CDKL3: variants seen among roughly 807,000 people sequenced by gnomAD.
CDKL3 encodes cyclin dependent kinase like 3.
In CDKL3, 65 loss-of-function variants were observed where a neutral mutation model predicts 69.3. The observed-to-expected ratio is 0.94, with a 90% confidence interval of 0.77 to 1.15. CDKL3 has a LOEUF of 1.15. Among genes scored for constraint, CDKL3 ranks in the 50% most tolerant of loss-of-function variants. The pLI, the probability that CDKL3 is intolerant of heterozygous loss-of-function variation, is 0.00. For synonymous variants in CDKL3, 202 were observed against 221.6 expected (o/e 0.91, Z 0.79); for missense variants, 652 against 689.2 (o/e 0.95, Z 0.61).
chr5:134,349,848 AG>A (rs200530752), intron 4 of CDKL3, among the ~76,000 whole-genome samples: 2,020 of 152,254 alleles, frequency 0.013, 21 homozygotes, highest in Non-Finnish European at 0.023. Context: ...AGAATGTGTC[AG>A]TATTAGGGGT....
intron 6 of CDKL3, 35 bp downstream of exon 6, chr5:134,319,323 C>CTG: frequency 6.8e-7 from 1 of 1,468,316 alleles, no homozygotes; most frequent in Non-Finnish European, 9.0e-7. Context: ...GAGCAAGACT[C>CTG]TGTCTCCGGG....
chr5:134,335,062 A>T (rs1776724907), intron 4 of CDKL3, among the ~76,000 whole-genome samples: 1 of 150,774 alleles, frequency 6.6e-6, no homozygotes, highest in African/African-American at 2.4e-5. Flanking sequence ...CTTTGCCATT[A>T]TGTAACGGCC....
chr5:134,371,624 T>A, upstream of CDKL3: 1 of 1,612,510 alleles, frequency 6.2e-7, no homozygotes. Context: ...AGGAGGCTCA[T>A]GCGGGATTTC....
intron 6 of CDKL3, among the ~76,000 whole-genome samples, chr5:134,314,085 C>T (rs566441268): frequency 3.9e-5 from 6 of 152,164 alleles, no homozygotes; most frequent in East Asian, 3.9e-4. Context: ...CAGGAGGTTG[C>T]GGTGAGCCAA....
At chr5:134,295,431 C>T (rs1017324005), downstream of CDKL3, among the ~76,000 whole-genome samples, 8 of 152,122 alleles carry the variant, frequency 5.3e-5, no homozygotes, top group African/African-American at 1.9e-4. Flanking sequence ...CAATCTTTGA[C>T]ACTGGAGTAA....
chr5:134,371,355 A>C, upstream of CDKL3: 2 of 607,344 alleles, frequency 3.3e-6, no homozygotes, highest in East Asian at 2.9e-5. Flanking sequence ...GGCTCGGGGA[A>C]GGCGCGCTCC....
At chr5:134,328,473 C>T (rs1774951400) in intron 4 of CDKL3, among the ~76,000 whole-genome samples, 1 of 151,088 alleles carries the variant, frequency 6.6e-6, no homozygotes, top group Non-Finnish European at 1.5e-5. Context: ...AAGACAAGAC[C>T]AATAGAAATT....
intron 4 of CDKL3, among the ~76,000 whole-genome samples, chr5:134,323,376 CAATT>C: frequency 6.6e-6 from 1 of 152,130 alleles, no homozygotes; most frequent in South Asian, 2.1e-4. Flanking sequence ...TAGATATTGA[CAATT>C]GATTGCAAAG....
rs763173774 is a variant in CDKL3, at chr5:134,321,825, A to G, written c.618T>C (p.Asp206=). 2.5e-6 allele frequency: 4 copies of G among 1,611,340 alleles called. No homozygotes were observed. Residue 206 remains aspartate (D), a synonymous_variant, in exon 5 of 13, where the codon GAT becomes GAC. Coordinates refer to ENST00000265334, the MANE Select transcript of CDKL3 (RefSeq NM_001113575.2). ...TGNPYLPSSS[D]LDLLHKIVLK... Reference sequence around the variant, plus strand: ...AAACAATTTTATGGAGTAAATCCAAATCAGAACTACTAGGAAGATAGGGAT... The same window carrying G: ...AAACAATTTTATGGAGTAAATCCAAGTCAGAACTACTAGGAAGATAGGGAT...
At chr5:134,355,857 G>C (rs893704919) in intron 3 of CDKL3, among the ~76,000 whole-genome samples, 1 of 152,170 alleles carries the variant, frequency 6.6e-6, no homozygotes, top group African/African-American at 2.4e-5. Flanking sequence ...AAAGGAAAGC[G>C]TATGGACTGT....
chr5:134,312,636 G>C (rs753135464), intron 6 of CDKL3, among the ~76,000 whole-genome samples: 1 of 152,212 alleles, frequency 6.6e-6, no homozygotes, highest in Non-Finnish European at 1.5e-5. Context: ...GTCTGTTTCT[G>C]CTGAAATTAG....
At chr5:134,287,013 G>A (rs140334159) in intron 8 of CDKL3, among the ~76,000 whole-genome samples, 1 of 152,278 alleles carries the variant, frequency 6.6e-6, no homozygotes, top group East Asian at 1.9e-4. Context: ...CAAGCTATAA[G>A]AGTAACATAC....
At position 134,367,106 on chromosome 5, in the gene CDKL3, T is replaced by C; in HGVS notation, c.-151A>G. The stretch of plus-strand genomic sequence containing the variant: ...GCCACCGAACACTGATACTACTTTG[T>C]TGCTCAGCCCCGCAAGGAACCGGCC... On this transcript the variant is annotated 5_prime_UTR_variant, in exon 1 of 13. Transcript: ENST00000265334. The C allele has an allele frequency of 3.0e-6, 3 of 986,120 alleles. No individual in the cohort carries two copies. In the South Asian group the frequency reaches 1.4e-4, roughly 46 times the overall value. 61.1% of individuals were successfully genotyped at this position (986,120 alleles called of 1,614,324 possible). A position where few individuals can be genotyped will look rare whatever the true frequency, so the allele number is the denominator to read the frequency against.
intron 4 of CDKL3, among the ~76,000 whole-genome samples, chr5:134,346,499 C>A (rs1252645854): frequency 6.6e-6 from 1 of 152,034 alleles, no homozygotes; most frequent in Non-Finnish European, 1.5e-5. Context: ...AAAGGTATTA[C>A]CTTTTTTTGT....
At chr5:134,291,604 G>A (rs749505961) in intron 8 of CDKL3, among the ~76,000 whole-genome samples, 5 of 152,068 alleles carry the variant, frequency 3.3e-5, no homozygotes, top group African/African-American at 9.7e-5. Context: ...GTGAAACCTC[G>A]TCTCTACTAA....
chr5:134,304,519 G>A lies in CDKL3; in HGVS notation c.1507C>T (p.Gln503Ter), dbSNP rs763207858. Residue 503 changes from glutamine (Q) to a stop codon, truncating the protein, a stop_gained, in exon 11 of 13, where the codon CAA (glutamine) becomes TAA (stop). Coordinates refer to ENST00000265334, the MANE Select transcript of CDKL3 (RefSeq NM_001113575.2). LOFTEE classifies it high-confidence loss of function. Reference sequence around the variant, plus strand: ...TTCCTTTTGTTCTCATTTGCCATTTGGTCACTGTGACCTGTTCGCTCATTA... The same window carrying A: ...TTCCTTTTGTTCTCATTTGCCATTTAGTCACTGTGACCTGTTCGCTCATTA... ...IFNERTGHSD[Q>*]MANENKRKLN... is the part of the protein sequence containing the mutation. 3 of 1,612,488 alleles carry A rather than the reference G, an allele frequency of 1.9e-6. No homozygotes were observed. Among genetic ancestry groups the A allele is most frequent in the East Asian group, 4.5e-5 (2 of 44,796 alleles).
intron 8 of CDKL3, among the ~76,000 whole-genome samples, chr5:134,287,532 T>C (rs922973049): frequency 6.6e-6 from 1 of 152,158 alleles, no homozygotes; most frequent in African/African-American, 2.4e-5. Context: ...CTCCCAATCA[T>C]CACATGGATG....
At chr5:134,306,752 T>A (rs756802116) in intron 9 of CDKL3, 50 bp from the exon 10 acceptor site, 23 of 529,908 alleles carry the variant, frequency 4.3e-5, no homozygotes, top group Admixed American at 2.0e-4. Context: ...CAGAAATGCT[T>A]TTTTTTTTTT....
chr5:134,326,941 G>T (rs1165497553), intron 4 of CDKL3, among the ~76,000 whole-genome samples: 2 of 149,542 alleles, frequency 1.3e-5, no homozygotes, highest in Non-Finnish European at 3.0e-5. Context: ...TAAAAACTAT[G>T]CAATTCAGTA....
Sources: gnomAD v4.1 joint callset for allele counts (sites outside exome capture counted in the v4.1 genomes callset) on GRCh38, gnomAD v4.1.1 for gene constraint, MANE v1.5 for transcripts, NCBI Gene and HGNC (gene_info 2026-07-23, HGNC 2026-07-21) for gene names.